The following KANK1 variants were observed in gnomAD, a reference collection of about 807,000 sequenced individuals.
KANK1 encodes the protein KN motif and ankyrin repeat domains 1, also known as KN motif and ankyrin repeat domain-containing protein 1.
KANK1 carries 109 observed loss-of-function variants against 106.2 expected under a neutral mutation model. That is an observed-to-expected ratio of 1.03 (90% confidence interval 0.88 to 1.20). KANK1 has a LOEUF of 1.20. Among genes scored for constraint, KANK1 ranks in the 50% most tolerant of loss-of-function variants. KANK1 has a pLI of 0.00. For synonymous variants in KANK1, 873 were observed against 652.2 expected, an observed-to-expected ratio of 1.34 and a Z score of -5.16; for missense variants, 2,399 against 1,710.7, an observed-to-expected ratio of 1.40 and a Z score of -7.10.
chr9:586,947 G>C (rs551448273), intron 1 of KANK1, among the ~76,000 whole-genome samples: 1 of 152,276 alleles, frequency 6.6e-6, no homozygotes, highest in African/African-American at 2.4e-5. Flanking sequence ...CTCTCCTGCA[G>C]ATCTCAAGCC....
chr9:606,080 T>A (rs1239369610), intron 1 of KANK1, among the ~76,000 whole-genome samples: 1 of 150,562 alleles, frequency 6.6e-6, no homozygotes, highest in East Asian at 1.9e-4. Context: ...TCTGAAAAAT[T>A]ATAGGGGAAG....
chr9:557,513 A>T (rs1422914227), intron 1 of KANK1, among the ~76,000 whole-genome samples: 1 of 152,218 alleles, frequency 6.6e-6, no homozygotes, highest in Non-Finnish European at 1.5e-5. Context: ...CAATGGGGAA[A>T]AATGTCCATA....
chr9:621,759 C>G (rs1320418816), intron 1 of KANK1, among the ~76,000 whole-genome samples: 1 of 152,052 alleles, frequency 6.6e-6, no homozygotes, highest in Non-Finnish European at 1.5e-5. Flanking sequence ...ATCTCAGTTT[C>G]CAGCCCTGCT....
In KANK1 at chr9:663,988, G is replaced by A. The variant is rs942752855; in HGVS notation, c.-83-12902G>A. 1.3e-5 allele frequency among the ~76,000 whole-genome samples: 2 copies of A among 152,036 alleles called. 1 individual carries two copies. Among genetic ancestry groups the A allele is most frequent in the South Asian group, 4.2e-4 (2 of 4,812 alleles). On this transcript the variant is annotated intron_variant, in intron 1 of 11. Transcript: ENST00000382297. ...TATGGTTTGGCTGTATCCTCACCCA[G>A]ATCTCATCTTGAATTGTAGTTCCCA...
rs149728457 is a variant in KANK1 at position 478,173 on chromosome 9, C to T, written c.-362+4900C>T. 1.1e-3 allele frequency: 194 copies of T among 178,984 alleles called. 1 individual carries two copies. Among genetic ancestry groups the T allele is most frequent in the African/African-American group, 4.5e-3 (188 of 42,014 alleles). The allele number at this position is 178,984 out of a possible 1,614,324, so 11.1% of individuals were successfully genotyped here. On this transcript the variant is annotated intron_variant, in intron 3 of 15. Transcript: ENST00000382303. Reference sequence around the variant, plus strand: ...ACAGTGGAAATGCCATTTTTCATGACACTGTCAAGATTGCATGACAGATGC... The same window carrying T: ...ACAGTGGAAATGCCATTTTTCATGATACTGTCAAGATTGCATGACAGATGC...
chr9:502,633 C>T (rs1017278091), upstream of KANK1, among the ~76,000 whole-genome samples: 1 of 151,918 alleles, frequency 6.6e-6, no homozygotes, highest in Non-Finnish European at 1.5e-5. Flanking sequence ...AAGGATTCTC[C>T]TGCCTCAGCC....
At chr9:674,850 T>C (rs923304178) in intron 1 of KANK1, among the ~76,000 whole-genome samples, 1 of 152,008 alleles carries the variant, frequency 6.6e-6, no homozygotes, top group Non-Finnish European at 1.5e-5. Context: ...ATTACAGGCG[T>C]GCACCACCAG....
intron 3 of KANK1, chr9:495,567 C>T (rs2058445577): frequency 6.6e-6 from 1 of 152,134 alleles, no homozygotes; most frequent in Non-Finnish European, 1.5e-5. Flanking sequence ...GGCAGCTGCA[C>T]TTCATATATC....
intron 1 of KANK1, among the ~76,000 whole-genome samples, chr9:536,109 G>A (rs2060285390): frequency 6.6e-6 from 1 of 152,116 alleles, no homozygotes; most frequent in Non-Finnish European, 1.5e-5. Context: ...AGGCTGAGGT[G>A]GGCGGATCAC....
chr9:642,038 G>T (rs774691370), intron 1 of KANK1, among the ~76,000 whole-genome samples: 2 of 152,240 alleles, frequency 1.3e-5, no homozygotes, highest in African/African-American at 2.4e-5. Flanking sequence ...TCTACTTTCT[G>T]TGTCCATGGG....
intron 3 of KANK1, among the ~76,000 whole-genome samples, chr9:714,394 C>G (rs1827115272): frequency 6.9e-6 from 1 of 144,458 alleles, no homozygotes; most frequent in Non-Finnish European, 1.5e-5. Flanking sequence ...CAGAGTCGCT[C>G]TGTCACCCAG....
chr9:604,688 G>T (rs759792296), intron 1 of KANK1, among the ~76,000 whole-genome samples: 1 of 151,678 alleles, frequency 6.6e-6, no homozygotes, highest in Non-Finnish European at 1.5e-5. Context: ...AAAATTAGCC[G>T]GGCGGGTGGC....
chr9:578,765 A>C (rs1340548861), intron 1 of KANK1, among the ~76,000 whole-genome samples: 1 of 152,160 alleles, frequency 6.6e-6, no homozygotes, highest in Non-Finnish European at 1.5e-5. Context: ...AATTATTCCA[A>C]ATCCTACCAG....
intron 1 of KANK1, among the ~76,000 whole-genome samples, chr9:567,225 A>T (rs902766304): frequency 6.6e-6 from 1 of 152,156 alleles, no homozygotes. Flanking sequence ...TACCAGTGCC[A>T]TGCTGTTTTG....
chr9:707,140 TCTC>T (rs1253190430), intron 2 of KANK1: 16 of 985,396 alleles, frequency 1.6e-5, no homozygotes, highest in South Asian at 9.4e-5. Flanking sequence ...TGTTGAAACT[TCTC>T]CTCACGGGGT....
chr9:509,617 G>A (rs1368002907), intron 1 of KANK1, among the ~76,000 whole-genome samples: 1 of 152,136 alleles, frequency 6.6e-6, no homozygotes, highest in Non-Finnish European at 1.5e-5. Flanking sequence ...TTAGAAATGT[G>A]TGTTAATTTC....
chr9:548,312 C>G (rs543990995), intron 1 of KANK1, among the ~76,000 whole-genome samples: 3 of 152,140 alleles, frequency 2.0e-5, no homozygotes, highest in African/African-American at 7.2e-5. Flanking sequence ...CCAGCTTTTT[C>G]TTGGTGTTAT....
intron 1 of KANK1, among the ~76,000 whole-genome samples, chr9:588,344 A>G (rs1824017400): frequency 6.6e-6 from 1 of 152,154 alleles, no homozygotes; most frequent in Admixed American, 6.5e-5. Flanking sequence ...ACTTTTAGAA[A>G]TAACATTGCA....
chr9:706,752 CTG>C, intron 2 of KANK1: 1 of 984,990 alleles, frequency 1.0e-6, no homozygotes. Flanking sequence ...AGGCAGTGCT[CTG>C]GAACCAGTGA....
Sources: allele counts gnomAD v4.1 joint callset (sites outside exome capture counted in the v4.1 genomes callset), GRCh38; gene constraint gnomAD v4.1.1; transcripts MANE v1.5; gene names NCBI Gene and HGNC (gene_info 2026-07-23, HGNC 2026-07-21).